The following LPO variants were observed in gnomAD, a reference collection of about 807,000 sequenced individuals.
The protein encoded by LPO is salivary peroxidase.
Under a neutral mutation model 68.4 loss-of-function variants are expected in LPO, and 70 were observed. The ratio of observed to expected loss-of-function variants is 1.02; its 90% CI spans 0.84 to 1.25. LPO has a LOEUF of 1.25. Ranked by LOEUF, LPO falls within the 50% of genes most tolerant of loss-of-function variation. LPO has a pLI of 0.00. For synonymous variants in LPO, 360 were observed against 357.6 expected, an observed-to-expected ratio of 1.01 and a Z score of -0.08; for missense variants, 873 against 908.4, an observed-to-expected ratio of 0.96 and a Z score of 0.50.
At chr17:58,249,737 G>A (rs1969922450) in intron 6 of LPO, 42 bp downstream of exon 6, 3 of 1,525,070 alleles carry the variant, frequency 2.0e-6, no homozygotes, top group East Asian at 2.4e-5. Context: ...GGAGCCAGAG[G>A]GGACGGGATG....
Position 58,249,059 on chromosome 17 carries a change from G to C in LPO, c.326-1G>C. 1.2e-6 allele frequency: 2 copies of C among 1,613,636 alleles called. No individual in the cohort carries two copies. The highest frequency in any genetic ancestry group is 1.7e-6 in the Non-Finnish European group (2 of 1,179,508). ...TCCCTTTGGGGTCCCTTCTGTTTCA[G>C]ATCCCAGCCTGGACTTGACTTCACT... On this transcript the variant is annotated splice_acceptor_variant, in intron 4 of 12. Coordinates refer to ENST00000262290, the MANE Select transcript of LPO (RefSeq NM_006151.3). LOFTEE classifies it high-confidence loss of function.
intron 8 of LPO, among the ~76,000 whole-genome samples, chr17:58,253,022 C>CAAAAAAAAAAAAAAAAAAAAAA (rs765890765): frequency 7.1e-4 from 22 of 31,070 alleles, no homozygotes; most frequent in Non-Finnish European, 1.0e-3. Context: ...GACTCCATCT[C>CAAAAAAAAAAAAAAAAAAAAAA]AAAAAAAAAA....
chr17:58,252,154 C>G (rs1237973462), intron 7 of LPO, 28 bp from the exon 8 acceptor site: 5 of 1,603,860 alleles, frequency 3.1e-6, no homozygotes, highest in Non-Finnish European at 4.3e-6. Flanking sequence ...CACCCCTGCC[C>G]AGTCACTTAT....
chr17:58,241,125 CT>C (rs1161572564), intron 1 of LPO, among the ~76,000 whole-genome samples: 14,619 of 91,592 alleles, frequency 0.16, 445 homozygotes, highest in African/African-American at 0.23. Flanking sequence ...TTTCTTTTTT[CT>C]TTTTTTTTTT....
intron 9 of LPO, among the ~76,000 whole-genome samples, chr17:58,263,572 C>T (rs1413994107): frequency 6.6e-6 from 1 of 152,164 alleles, no homozygotes; most frequent in African/African-American, 2.4e-5. Flanking sequence ...AACCCCATCT[C>T]TACTAAAAAT....
intron 1 of LPO, among the ~76,000 whole-genome samples, chr17:58,240,294 A>T (rs139092598): frequency 1.9e-4 from 29 of 152,204 alleles, no homozygotes; most frequent in African/African-American, 6.3e-4. Flanking sequence ...CTGTCTCCAG[A>T]TAGTGCTTCA....
chr17:58,266,317 G>A lies in LPO; in HGVS notation c.1684G>A (p.Gly562Arg). The A allele has an allele frequency of 1.2e-6, 2 of 1,613,966 alleles. No individual in the cohort carries two copies. The highest frequency in any genetic ancestry group is 1.7e-6 in the Non-Finnish European group (2 of 1,179,990). Residue 562 changes from glycine (G) to arginine (R), a missense_variant, in exon 11 of 13, where the codon GGG (glycine) becomes AGG (arginine). Transcript: ENST00000262290. ...CAACACACAGCGTTGCCGGGACCAT[G>A]GGCAACCTGGTGAGTGTCTGAAGTC... ...AINTQRCRDH[G>R]QPGYNSWRAF...
chr17:58,250,904 T>C, intron 7 of LPO: 1 of 436,088 alleles, frequency 2.3e-6, no homozygotes, highest in South Asian at 2.6e-5. Flanking sequence ...ACAAGTAAAC[T>C]ACTGATAGCA....
At chr17:58,249,497 A>G in intron 5 of LPO, 69 bp from the exon 6 acceptor site, 1 of 1,553,074 alleles carries the variant, frequency 6.4e-7, no homozygotes. Context: ...TCCTTCCCCC[A>G]TGGGGTCCTG....
intron 9 of LPO, among the ~76,000 whole-genome samples, chr17:58,258,731 C>T (rs1026490631): frequency 6.6e-6 from 1 of 152,204 alleles, no homozygotes; most frequent in African/African-American, 2.4e-5. Context: ...TCTTAGCATC[C>T]TGACGGTGTC....
At chr17:58,260,296 G>A (rs921656131) in intron 9 of LPO, among the ~76,000 whole-genome samples, 2 of 152,160 alleles carry the variant, frequency 1.3e-5, no homozygotes, top group Non-Finnish European at 2.9e-5. Context: ...TTTCTAAACA[G>A]GTAATCATGT....
At chr17:58,250,150 C>T (rs1046413841) in intron 6 of LPO, among the ~76,000 whole-genome samples, 1 of 152,154 alleles carries the variant, frequency 6.6e-6, no homozygotes, top group African/African-American at 2.4e-5. Flanking sequence ...AGGGCACCGG[C>T]TTGGCAAATC....
At chr17:58,257,333 A>G (rs1052516734) in intron 9 of LPO, among the ~76,000 whole-genome samples, 1 of 152,004 alleles carries the variant, frequency 6.6e-6, no homozygotes, top group Non-Finnish European at 1.5e-5. Context: ...TCTACTTTCT[A>G]TGTCCATGAG....
chr17:58,239,048 T>C (rs3760168), intron 1 of LPO, among the ~76,000 whole-genome samples: 11,794 of 152,102 alleles, frequency 0.078, 722 homozygotes, highest in African/African-American at 0.17. Flanking sequence ...GAACTGAGAC[T>C]TAAGCAATTT....
At chr17:58,252,568 C>A in intron 8 of LPO, 62 bp downstream of exon 8, 1 of 1,484,968 alleles carries the variant, frequency 6.7e-7, no homozygotes, top group South Asian at 1.3e-5. Flanking sequence ...GAAGCTTTAC[C>A]ACTGCCCCCT....
At position 58,268,187 on chromosome 17, in the gene LPO, C is replaced by G; in HGVS notation, c.*193C>G. ...CGGCCCTCCCAGCTCTTACACTCAG[C>G]TCCAGTGGCTTCTCCTTTCTGTCAA... On this transcript the variant is annotated 3_prime_UTR_variant, in exon 13 of 13. Transcript: ENST00000262290. 1.7e-6 allele frequency: 1 copy of G among 595,552 alleles called. No individual in the cohort carries two copies. 36.9% of individuals were successfully genotyped at this position (595,552 alleles called of 1,614,324 possible).
At chr17:58,259,821 ATTTTG>A (rs890728290) in intron 9 of LPO, among the ~76,000 whole-genome samples, 1 of 151,968 alleles carries the variant, frequency 6.6e-6, no homozygotes, top group Non-Finnish European at 1.5e-5. Context: ...TTTAATTTTC[ATTTTG>A]TTTTGTTTTG....
intron 9 of LPO, 92 bp downstream of exon 9, chr17:58,255,063 C>G (rs1468765924): frequency 1.4e-6 from 2 of 1,381,370 alleles, no homozygotes; most frequent in Middle Eastern, 2.3e-4. Context: ...AGGCTCTCTC[C>G]TCTGTTCCCA....
intron 11 of LPO, 116 bp downstream of exon 11, chr17:58,266,442 A>C: frequency 4.1e-6 from 5 of 1,216,510 alleles, no homozygotes; most frequent in South Asian, 1.6e-5. Context: ...CTGAAACAAA[A>C]GTCAGGCCAG....
Sources: allele counts gnomAD v4.1 joint callset (sites outside exome capture counted in the v4.1 genomes callset), GRCh38; gene constraint gnomAD v4.1.1; transcripts MANE v1.5; gene names NCBI Gene and HGNC (gene_info 2026-07-23, HGNC 2026-07-21).